Variants in ZFHX3 observed in about 807,000 individuals in gnomAD.
ZFHX3 encodes the protein zinc finger homeobox 3.
In ZFHX3, 42 loss-of-function variants were observed where a neutral mutation model predicts 279.1. The ratio of observed to expected loss-of-function variants is 0.15; its 90% confidence interval spans 0.12 to 0.19. ZFHX3 has a LOEUF of 0.19. ZFHX3 is among the 10% of genes least tolerant of loss of function. ZFHX3 has a pLI of 1.00. For missense variants in ZFHX3, 4,981 were observed against 4,754.0 expected (o/e 1.05, Z -1.40); for synonymous variants, 2,293 against 1,957.8 (o/e 1.17, Z -4.52).
chr16:73,626,192 C>A (rs570582291), intron 2 of ZFHX3, among the ~76,000 whole-genome samples: 37 of 152,276 alleles, frequency 2.4e-4, no homozygotes, highest in Non-Finnish European at 4.7e-4. Context: ...CATAGGACTA[C>A]ATAATAAATT....
chr16:73,582,537 T>C (rs1294247294), intron 2 of ZFHX3, among the ~76,000 whole-genome samples: 1 of 151,922 alleles, frequency 6.6e-6, no homozygotes, highest in African/African-American at 2.4e-5. Context: ...TGCAATGGCA[T>C]GATCTTGGCT....
chr16:73,868,475 G>A (rs1397926968), intron 1 of ZFHX3, among the ~76,000 whole-genome samples: 1 of 152,226 alleles, frequency 6.6e-6, no homozygotes, highest in Non-Finnish European at 1.5e-5. Flanking sequence ...AGTGAGCGGA[G>A]ATCACGCCAC....
chr16:73,265,680 C>G (rs1415801693), intron 4 of ZFHX3, among the ~76,000 whole-genome samples: 1 of 152,122 alleles, frequency 6.6e-6, no homozygotes, highest in Admixed American at 6.6e-5. Context: ...ACCTCAACAG[C>G]CCTCCTGGAA....
intron 2 of ZFHX3, among the ~76,000 whole-genome samples, chr16:73,541,499 A>C (rs1400447184): frequency 6.6e-6 from 1 of 152,108 alleles, no homozygotes; most frequent in African/African-American, 2.4e-5. Flanking sequence ...AAATAAAAAT[A>C]AAAATAAAAA....
chr16:73,467,146 A>G (rs1476689190), intron 2 of ZFHX3, among the ~76,000 whole-genome samples: 1 of 152,196 alleles, frequency 6.6e-6, no homozygotes, highest in Non-Finnish European at 1.5e-5. Context: ...CATCTCAAGA[A>G]GTCATAAAAA....
At position 72,957,828 on chromosome 16, in the gene ZFHX3, G is replaced by A. The variant is rs755455411; in HGVS notation, c.2318C>T (p.Ala773Val). ...EQVFSHTAGA[A>V]AAAVAAAAAA... ...CGCCGCCGCAGCCACCGCCGCCGCC[G>A]CCGCCCCGGCAGTGTGGCTGAAGAC... is the stretch of plus-strand genomic sequence containing the variant. The change falls in exon 2 of 10, where the codon GCG becomes GTG. Residue 773 changes from alanine to valine, a missense_variant. By Grantham distance (64) the Ala-to-Val change is moderately conservative (BLOSUM62 0). This residue lies in a region of ZFHX3 where 1,751 missense variants were observed against 1,770.0 expected (regional missense o/e 0.99). Transcript: ENST00000268489. 2.0e-5 allele frequency: 33 copies of A among 1,610,788 alleles called. No individual in the cohort carries two copies. The highest frequency in any genetic ancestry group is 6.7e-5 in the Admixed American group (4 of 59,818).
chr16:73,074,881 A>G (rs1268541057), intron 8 of ZFHX3, among the ~76,000 whole-genome samples: 1 of 151,958 alleles, frequency 6.6e-6, no homozygotes, highest in Non-Finnish European at 1.5e-5. Context: ...GTTCACTACA[A>G]CTTCTGCCTC....
intron 4 of ZFHX3, among the ~76,000 whole-genome samples, chr16:72,840,997 G>A (rs953174999): frequency 6.6e-5 from 10 of 152,036 alleles, no homozygotes; most frequent in African/African-American, 2.2e-4. Flanking sequence ...ATATACAAAG[G>A]TCACTACGTA....
intron 1 of ZFHX3, among the ~76,000 whole-genome samples, chr16:73,712,471 T>A (rs906085962): frequency 6.6e-6 from 1 of 152,146 alleles, no homozygotes; most frequent in Non-Finnish European, 1.5e-5. Flanking sequence ...CCTTCTCGGG[T>A]GTAATTTTCT....
intron 1 of ZFHX3, among the ~76,000 whole-genome samples, chr16:73,686,554 A>G (rs2053086380): frequency 1.3e-5 from 2 of 152,328 alleles, no homozygotes; most frequent in South Asian, 2.1e-4. Flanking sequence ...AAGGAAACTC[A>G]TGCTCAGAGA....
At chr16:73,386,194 G>A (rs572298227) in intron 3 of ZFHX3, among the ~76,000 whole-genome samples, 9 of 67,966 alleles carry the variant, frequency 1.3e-4, no homozygotes, top group Admixed American at 3.8e-4. Context: ...CTCTCCCACC[G>A]TCTCTGTCTC....
Position 73,589,459 on chromosome 16 carries a change from C to T in ZFHX3, c.-1547+90721G>A, listed in dbSNP as rs1259764048. On this transcript the variant is annotated intron_variant, in intron 2 of 17. Transcript: ENST00000641206. ...TCAAAAAAAAAAAAAAGGCTGGGCA[C>T]GGTGGCTCACGCCTGTAATCCCAGC... 9.8e-5 allele frequency among the ~76,000 whole-genome samples: 14 copies of T among 142,866 alleles called. No homozygotes were observed. In the South Asian group the frequency reaches 2.9e-3, roughly 30 times the overall value. 93.7% of individuals were successfully genotyped at this position (142,866 alleles called of 152,430 possible).
intron 3 of ZFHX3, among the ~76,000 whole-genome samples, chr16:72,911,977 C>T (rs1012795374): frequency 6.6e-6 from 1 of 152,190 alleles, no homozygotes; most frequent in Non-Finnish European, 1.5e-5. Flanking sequence ...GTAATGTAGA[C>T]GCTGTCTAGG....
intron 2 of ZFHX3, among the ~76,000 whole-genome samples, chr16:73,534,053 G>A (rs925508576): frequency 3.3e-5 from 5 of 152,222 alleles, no homozygotes; most frequent in African/African-American, 9.6e-5. Context: ...GCTCAAGGTC[G>A]TCAGATGGCT....
chr16:72,897,064 G>A (rs1200111404), intron 3 of ZFHX3, among the ~76,000 whole-genome samples: 1 of 152,220 alleles, frequency 6.6e-6, no homozygotes, highest in Non-Finnish European at 1.5e-5. Flanking sequence ...CCCAGCAGAG[G>A]AGAAACCCCA....
chr16:73,843,970 A>G (rs1404786944), intron 1 of ZFHX3, among the ~76,000 whole-genome samples: 1 of 152,250 alleles, frequency 6.6e-6, no homozygotes, highest in Non-Finnish European at 1.5e-5. Context: ...CAACGATTTA[A>G]AAATGTAGAA....
At chr16:73,278,355 T>C (rs368010004) in intron 4 of ZFHX3, among the ~76,000 whole-genome samples, 6 of 152,278 alleles carry the variant, frequency 3.9e-5, no homozygotes, top group South Asian at 2.1e-4. Flanking sequence ...AGTGTAACGA[T>C]GGAGGAAGAA....
intron 3 of ZFHX3, among the ~76,000 whole-genome samples, chr16:73,441,957 G>A (rs184933403): frequency 6.6e-6 from 1 of 152,306 alleles, no homozygotes; most frequent in East Asian, 1.9e-4. Flanking sequence ...GCGACATCGT[G>A]TGCGGATGAG....
intron 2 of ZFHX3, among the ~76,000 whole-genome samples, chr16:73,572,472 T>G (rs1282097889): frequency 6.6e-6 from 1 of 152,192 alleles, no homozygotes; most frequent in East Asian, 1.9e-4. Context: ...GCCTTCAACC[T>G]GAGCACTTTT....
Sources: gnomAD v4.1 joint callset for allele counts (sites outside exome capture counted in the v4.1 genomes callset) on GRCh38, gnomAD v4.1.1 for gene constraint, gnomAD v4.1.1 regional missense constraint, MANE v1.5 for transcripts, NCBI Gene and HGNC (gene_info 2026-07-23, HGNC 2026-07-21) for gene names.